The following RILPL1 variants were observed in gnomAD, a reference collection of about 807,000 sequenced individuals.
The protein encoded by RILPL1 is RILP-like protein 1.
RILPL1 carries 33 observed loss-of-function variants against 50.3 expected under a neutral mutation model. The observed-to-expected ratio is 0.66, with a 90% CI of 0.50 to 0.88. The LOEUF (loss-of-function observed/expected upper bound fraction) is 0.88. RILPL1 is among the 40% of genes least tolerant of loss of function. RILPL1 has a pLI of 0.00. For synonymous variants in RILPL1, 205 were observed against 228.6 expected (o/e 0.90, Z 0.93); for missense variants, 418 against 542.5 (o/e 0.77, Z 2.28).
chr12:123,485,933 G>T lies in RILPL1; in HGVS notation c.802-128C>A. The T allele has an allele frequency of 1.1e-6, 1 of 878,638 alleles. No homozygotes were observed. The highest frequency in any genetic ancestry group is 1.7e-5 in the African/African-American group (1 of 57,394). The allele number at this position is 878,638 out of a possible 1,614,324, so 54.4% of individuals were successfully genotyped here. On this transcript the variant is annotated intron_variant, in intron 4 of 6. Coordinates refer to ENST00000376874, the MANE Select transcript of RILPL1 (RefSeq NM_178314.5). This position sits in a 1 kb window ranked among gnomAD's most constrained non-coding sequence, Gnocchi z 4.0. ...CAGCCTGTGGAGGGTGCTATTTTCA[G>T]CACTCGCAGGCGGCCCTTGCTCACG...
intron 2 of RILPL1, among the ~76,000 whole-genome samples, chr12:123,514,983 T>G (rs1884607829): frequency 1.3e-5 from 2 of 151,526 alleles, no homozygotes; most frequent in African/African-American, 4.9e-5. Context: ...CAGGCTGGAG[T>G]GCAGTGGTGC....
chr12:123,526,015 TG>T (rs201923718), intron 1 of RILPL1, among the ~76,000 whole-genome samples: 1,544 of 152,190 alleles, frequency 0.01, 13 homozygotes, highest in South Asian at 0.017. Context: ...TATAAAACAG[TG>T]GTTTAAGGGC....
intron 2 of RILPL1, among the ~76,000 whole-genome samples, chr12:123,514,901 AAT>A (rs1288003158): frequency 7.2e-5 from 11 of 152,202 alleles, no homozygotes; most frequent in Admixed American, 3.3e-4. Flanking sequence ...TCAATTAAAA[AAT>A]AGACAATCCA....
rs28478308 is a variant in RILPL1, at chr12:123,533,022, A to T, written c.309+152T>A. Among the ~76,000 whole-genome samples, 1 of 151,474 alleles carries T rather than the reference A, an allele frequency of 6.6e-6. No individual in the cohort carries two copies. Among genetic ancestry groups the T allele is most frequent in the African/African-American group, 2.4e-5 (1 of 41,300 alleles). ...CAGCCACCCCTGGTCGGGCAAAAGA[A>T]GGCCAGGGCCTCCCTCCCTCCCCAC... On this transcript the variant is annotated intron_variant, in intron 1 of 6. Transcript: ENST00000376874. The surrounding 1 kb of genome is among the most constrained non-coding windows in gnomAD (Gnocchi z 6.2).
chr12:123,482,754 G>T (rs1158185563), intron 6 of RILPL1, among the ~76,000 whole-genome samples: 1 of 151,420 alleles, frequency 6.6e-6, no homozygotes, highest in Non-Finnish European at 1.5e-5. Flanking sequence ...AAGTAGCTGG[G>T]ACCATACCCA....
rs187964419 is a variant in RILPL1, at chr12:123,484,622, G to A, written c.975-350C>T. On this transcript the variant is annotated intron_variant, in intron 5 of 6. Coordinates refer to ENST00000376874, the MANE Select transcript of RILPL1 (RefSeq NM_178314.5). Reference sequence around the variant, plus strand: ...CGATTTCCACCCCATCCACAAACTCGAAGAAGTGATCTCTCCCACTCTCCC... The same window carrying A: ...CGATTTCCACCCCATCCACAAACTCAAAGAAGTGATCTCTCCCACTCTCCC... Among the ~76,000 whole-genome samples the A allele has an allele frequency of 2.2e-3, 335 of 149,058 alleles. 1 individual carries two copies. Among genetic ancestry groups the A allele is most frequent in the Admixed American group, 4.2e-3 (62 of 14,874 alleles).
At chr12:123,510,229 G>C (rs985451046) in intron 2 of RILPL1, among the ~76,000 whole-genome samples, 1 of 152,248 alleles carries the variant, frequency 6.6e-6, no homozygotes, top group Non-Finnish European at 1.5e-5. Flanking sequence ...GGGCCATGTG[G>C]GGGGCCCGCC....
chr12:123,521,734 T>A (rs1885067159), intron 2 of RILPL1, among the ~76,000 whole-genome samples: 1 of 140,188 alleles, frequency 7.1e-6, no homozygotes, highest in African/African-American at 2.6e-5. Flanking sequence ...CACATATATG[T>A]ATATATATAA....
intron 2 of RILPL1, among the ~76,000 whole-genome samples, chr12:123,507,857 C>T (rs1386260906): frequency 1.3e-5 from 2 of 149,378 alleles, no homozygotes; most frequent in African/African-American, 4.9e-5. Context: ...AGGATAATCA[C>T]TTGAACCCGG....
In RILPL1 at chr12:123,485,616, G is replaced by A; in HGVS notation, c.974+17C>T. 1.2e-6 allele frequency: 2 copies of A among 1,612,434 alleles called. No individual in the cohort carries two copies. Among genetic ancestry groups the A allele is most frequent in the Non-Finnish European group, 1.7e-6 (2 of 1,179,124 alleles). ...GTAAGGAGCCAGCTCGGGCCATCCA[G>A]CCCCAGGGACACTTGCCTCTTATAG... On this transcript the variant is annotated intron_variant, in intron 5 of 6. Coordinates refer to ENST00000376874, the MANE Select transcript of RILPL1 (RefSeq NM_178314.5). This position sits in a 1 kb window ranked among gnomAD's most constrained non-coding sequence, Gnocchi z 4.0.
intron 4 of RILPL1, among the ~76,000 whole-genome samples, chr12:123,488,916 G>A (rs1418992245): frequency 6.6e-6 from 1 of 152,192 alleles, no homozygotes; most frequent in Non-Finnish European, 1.5e-5. Context: ...CACAATTTAG[G>A]TGGGCTGTGT....
intron 6 of RILPL1, among the ~76,000 whole-genome samples, chr12:123,477,484 G>A (rs745822236): frequency 1.3e-4 from 19 of 151,684 alleles, no homozygotes; most frequent in South Asian, 8.3e-4. Context: ...GACTACAGGC[G>A]TGCACCACCC....
At chr12:123,509,853 G>GA (rs1883978767) in intron 2 of RILPL1, among the ~76,000 whole-genome samples, 1 of 152,230 alleles carries the variant, frequency 6.6e-6, no homozygotes, top group Admixed American at 6.5e-5. Flanking sequence ...TTTTCCACCA[G>GA]AATGTTTAAA....
At chr12:123,499,622 G>A (rs1472481446) in intron 2 of RILPL1, 86 bp from the exon 3 acceptor site, 20 of 1,034,714 alleles carry the variant, frequency 1.9e-5, no homozygotes, top group Non-Finnish European at 3.0e-5. Flanking sequence ...ATGAAACTGA[G>A]GTCTTAGTGG....
At position 123,489,777 on chromosome 12, in the gene RILPL1, G is replaced by T. The variant is rs143012241; in HGVS notation, c.802-3972C>A. Among the ~76,000 whole-genome samples the T allele has an allele frequency of 3.9e-5, 6 of 152,206 alleles. No individual in the cohort carries two copies. The highest frequency in any genetic ancestry group is 1.2e-4 in the African/African-American group (5 of 41,536). On this transcript the variant is annotated intron_variant, in intron 4 of 6. Coordinates refer to ENST00000376874, the MANE Select transcript of RILPL1 (RefSeq NM_178314.5). The surrounding 1 kb of genome is among the most constrained non-coding windows in gnomAD (Gnocchi z 4.0). ...GCATGGGGTCTTGACGAATATGTAG[G>T]AGTTCACCAGGAACTCTGGGCATTA... is the stretch of plus-strand genomic sequence containing the variant.
chr12:123,502,072 CT>C (rs140264759), intron 2 of RILPL1, among the ~76,000 whole-genome samples: 19,955 of 132,356 alleles, frequency 0.15, 1,515 homozygotes, highest in Non-Finnish European at 0.18. Flanking sequence ...AAGAGTGAAA[CT>C]TCGTCTCAAA....
At chr12:123,496,162 C>T (rs1267606881) in intron 4 of RILPL1, among the ~76,000 whole-genome samples, 1 of 151,888 alleles carries the variant, frequency 6.6e-6, no homozygotes, top group Non-Finnish European at 1.5e-5. Flanking sequence ...TACAGGTGTG[C>T]ACCACCACGC....
chr12:123,503,442 C>T (rs1037449925), intron 2 of RILPL1, among the ~76,000 whole-genome samples: 4 of 151,556 alleles, frequency 2.6e-5, no homozygotes, highest in Non-Finnish European at 5.9e-5. Context: ...CTCAAGCGAT[C>T]CACTCGCCTC....
At chr12:123,518,635 A>G (rs1275550309) in intron 2 of RILPL1, among the ~76,000 whole-genome samples, 1 of 152,184 alleles carries the variant, frequency 6.6e-6, no homozygotes, top group East Asian at 1.9e-4. Flanking sequence ...ACCACATTTC[A>G]AAGACTTAAT....
Sources: allele counts gnomAD v4.1 joint callset (sites outside exome capture counted in the v4.1 genomes callset), GRCh38; gene constraint gnomAD v4.1.1; non-coding constraint Gnocchi (gnomAD v3.1); transcripts MANE v1.5; gene names NCBI Gene and HGNC (gene_info 2026-07-23, HGNC 2026-07-21).